GCH1: variants seen among roughly 807,000 people sequenced by gnomAD.
The protein encoded by GCH1 is GTP cyclohydrolase 1.
Under a neutral mutation model 25.9 loss-of-function variants are expected in GCH1, and 5 were observed. That is an observed-to-expected ratio of 0.19 (90% CI 0.10 to 0.41). The LOEUF is 0.41. Ranked by LOEUF, GCH1 falls within the 10% of genes least tolerant of loss-of-function variation. The probability of loss-of-function intolerance (pLI) is 1.00; values close to 1 mark genes in which losing one functional copy is unlikely to be tolerated. For missense variants in GCH1, 261 were observed against 336.5 expected, an observed-to-expected ratio of 0.78 and a Z score of 1.75; for synonymous variants, 159 against 129.6, an observed-to-expected ratio of 1.23 and a Z score of -1.54.
At chr14:54,847,919 G>C (rs1306837840) in intron 3 of GCH1, among the ~76,000 whole-genome samples, 2 of 151,996 alleles carry the variant, frequency 1.3e-5, no homozygotes, top group Admixed American at 6.5e-5. Context: ...TAAAATTCAA[G>C]TTAAAAATAA....
intron 5 of GCH1, among the ~76,000 whole-genome samples, chr14:54,845,319 T>C (rs1243269407): frequency 6.7e-6 from 1 of 149,166 alleles, no homozygotes; most frequent in Non-Finnish European, 1.5e-5. Flanking sequence ...CTCTATTAAA[T>C]ATACAAAAAT....
intron 1 of GCH1, among the ~76,000 whole-genome samples, chr14:54,874,596 AT>A (rs1453925179): frequency 4.6e-5 from 7 of 152,224 alleles, no homozygotes; most frequent in African/African-American, 1.7e-4. Flanking sequence ...AGAAAACCCC[AT>A]TGTCTCAGCT....
In GCH1 at chr14:54,855,505, C is replaced by CAA. The variant is rs764999718; in HGVS notation, c.509+4174_509+4175dup. On this transcript the variant is annotated intron_variant, in intron 3 of 5. Transcript: ENST00000491895. The stretch of plus-strand genomic sequence containing the variant: ...TGGGCGACAGAGAAAGACCCTGTCT[C>CAA]AAAAAAAAAAAAAAAAAAAAAAAAG... Among the ~76,000 whole-genome samples, 115 of 36,140 alleles carry CAA rather than the reference C, an allele frequency of 3.2e-3. 4 individuals are homozygous for CAA. Among genetic ancestry groups the CAA allele is most frequent in the African/African-American group, 0.01 (57 of 5,606 alleles). 23.7% of individuals were successfully genotyped at this position (36,140 alleles called of 152,430 possible). A position where few individuals can be genotyped will look rare whatever the true frequency, so the allele number is the denominator to read the frequency against.
chr14:54,864,093 T>C (rs2140072377), intron 2 of GCH1, among the ~76,000 whole-genome samples: 1 of 152,000 alleles, frequency 6.6e-6, no homozygotes, highest in East Asian at 1.9e-4. Flanking sequence ...AACTCCTGGG[T>C]TCAAGCAATC....
At chr14:54,849,872 A>C (rs1037174163) in intron 3 of GCH1, among the ~76,000 whole-genome samples, 1 of 152,200 alleles carries the variant, frequency 6.6e-6, no homozygotes, top group Admixed American at 6.5e-5. Flanking sequence ...TTTAATGAGT[A>C]TACTGGACTT....
intron 1 of GCH1, 29 bp downstream of exon 1, chr14:54,902,292 A>G: frequency 1.2e-6 from 2 of 1,606,714 alleles, no homozygotes; most frequent in African/African-American, 1.3e-5. Context: ...CGCCGCCCGC[A>G]CGCTCTAGCA....
At chr14:54,898,893 G>A (rs985336446) in intron 1 of GCH1, among the ~76,000 whole-genome samples, 2 of 152,018 alleles carry the variant, frequency 1.3e-5, no homozygotes, top group African/African-American at 4.8e-5. Context: ...CAAAGTGCTG[G>A]GATTACAGGT....
chr14:54,893,742 C>T (rs1165352111), intron 1 of GCH1, among the ~76,000 whole-genome samples: 1 of 152,162 alleles, frequency 6.6e-6, no homozygotes, highest in Non-Finnish European at 1.5e-5. Flanking sequence ...AATGAGGTAA[C>T]ACATGTAAAA....
intron 4 of GCH1, among the ~76,000 whole-genome samples, chr14:54,846,859 G>A (rs901704751): frequency 4.6e-5 from 7 of 152,032 alleles, no homozygotes; most frequent in East Asian, 3.9e-4. Context: ...TCGGAAGTTC[G>A]AGACCAGCCT....
chr14:54,897,548 C>T (rs759755539), intron 1 of GCH1, among the ~76,000 whole-genome samples: 1 of 152,064 alleles, frequency 6.6e-6, no homozygotes, highest in Non-Finnish European at 1.5e-5. Flanking sequence ...CTCGGCCTCC[C>T]AAAGTGCTGG....
At chr14:54,873,777 C>A (rs2040116527) in intron 1 of GCH1, among the ~76,000 whole-genome samples, 2 of 152,152 alleles carry the variant, frequency 1.3e-5, no homozygotes, top group African/African-American at 4.8e-5. Context: ...CACACACACC[C>A]TCCCAAGACT....
intron 1 of GCH1, among the ~76,000 whole-genome samples, chr14:54,870,153 G>C (rs555294733): frequency 6.6e-5 from 10 of 152,180 alleles, no homozygotes; most frequent in Middle Eastern, 3.4e-3. Context: ...TACATGTAAA[G>C]TAGGTAAATT....
rs111635456 is a variant in GCH1 at position 54,863,848 on chromosome 14, G to GTTGTTTGTTTGTTTGTTTGT, written c.453+1459_453+1478dup. Among the ~76,000 whole-genome samples the GTTGTTTGTTTGTTTGTTTGT allele has an allele frequency of 2.6e-4, 39 of 151,512 alleles. No individual in the cohort carries two copies. In the East Asian group the frequency reaches 7.2e-3, roughly 28 times the overall value. On this transcript the variant is annotated intron_variant, in intron 2 of 5. Transcript: ENST00000491895. ...ATATTGTAGTTGTGGGGGTTTCGTT[G>GTTGTTTGTTTGTTTGTTTGT]TTGTTTGTTTGTTTGTTTGTTTGAC...
chr14:54,864,652 A>G (rs962840946), intron 2 of GCH1, among the ~76,000 whole-genome samples: 3 of 152,130 alleles, frequency 2.0e-5, no homozygotes, highest in African/African-American at 7.2e-5. Context: ...AATATTCTCT[A>G]TTGAAAAGAG....
intron 1 of GCH1, among the ~76,000 whole-genome samples, chr14:54,875,077 A>G: frequency 6.6e-6 from 1 of 152,202 alleles, no homozygotes. Flanking sequence ...AAACTATACT[A>G]CAAGGCTACA....
chr14:54,885,582 C>CT, intron 1 of GCH1: 1 of 393,312 alleles, frequency 2.5e-6, no homozygotes, highest in South Asian at 2.2e-5. Context: ...CTGATGTCAT[C>CT]TGCCACCAGG....
chr14:54,872,132 G>T (rs999234309), intron 1 of GCH1, among the ~76,000 whole-genome samples: 3 of 152,226 alleles, frequency 2.0e-5, no homozygotes, highest in African/African-American at 7.2e-5. Context: ...AAGCCCATCG[G>T]ACTAACAGCT....
intron 3 of GCH1, among the ~76,000 whole-genome samples, chr14:54,854,073 T>C (rs1489701456): frequency 6.6e-6 from 1 of 152,254 alleles, no homozygotes; most frequent in Non-Finnish European, 1.5e-5. Context: ...TATCGTCTCA[T>C]TCCTAGATAT....
chr14:54,868,443 A>T (rs2040019607), intron 1 of GCH1, among the ~76,000 whole-genome samples: 1 of 152,110 alleles, frequency 6.6e-6, no homozygotes, highest in Non-Finnish European at 1.5e-5. Flanking sequence ...AAAAATTAAA[A>T]AAAAAAATTA....
Sources: allele counts gnomAD v4.1 joint callset (sites outside exome capture counted in the v4.1 genomes callset), GRCh38; gene constraint gnomAD v4.1.1; transcripts MANE v1.5; gene names NCBI Gene and HGNC (gene_info 2026-07-23, HGNC 2026-07-21).